The following SMC1B variants were observed in gnomAD, a reference collection of about 807,000 sequenced individuals.
SMC1B encodes structural maintenance of chromosomes protein 1B.
SMC1B carries 60 observed loss-of-function variants against 157.9 expected under a neutral mutation model. That is an observed-to-expected ratio of 0.38 (90% confidence interval 0.31 to 0.47). The LOEUF is 0.47. Among genes scored for constraint, SMC1B ranks in the 20% least tolerant of loss-of-function variants. The pLI is 0.99. For synonymous variants in SMC1B, 445 were observed against 483.0 expected (o/e 0.92, Z 1.03); for missense variants, 1,165 against 1,426.2 (o/e 0.82, Z 2.95).
At chr22:45,348,647 C>T (rs1039121223) in intron 23 of SMC1B, among the ~76,000 whole-genome samples, 1 of 152,028 alleles carries the variant, frequency 6.6e-6, no homozygotes, top group Non-Finnish European at 1.5e-5. Flanking sequence ...CTGGAAGGTC[C>T]TCTAAGCCTT....
intron 23 of SMC1B, among the ~76,000 whole-genome samples, chr22:45,348,662 G>T (rs1215117164): frequency 6.6e-6 from 1 of 151,684 alleles, no homozygotes; most frequent in Non-Finnish European, 1.5e-5. Context: ...AGCCTTGAAT[G>T]AAGACTACCC....
chr22:45,406,258 G>A (rs1189512210), intron 4 of SMC1B, among the ~76,000 whole-genome samples: 1 of 152,138 alleles, frequency 6.6e-6, no homozygotes, highest in Admixed American at 6.5e-5. Flanking sequence ...CATTTTTCTA[G>A]TTCAGGCTGT....
chr22:45,344,448 G>A lies in SMC1B; in HGVS notation c.*108C>T. On this transcript the variant is annotated 3_prime_UTR_variant, in exon 25 of 25. Transcript: ENST00000357450. ...TAGAACGACTAAGGTTTCTCTTAAA[G>A]GGTGCACCAGGCTGGTCCTGCTTGC... 1 of 724,790 alleles carries A rather than the reference G, an allele frequency of 1.4e-6. No homozygotes were observed. The highest frequency in any genetic ancestry group is 2.4e-6 in the Non-Finnish European group (1 of 418,722). The allele number at this position is 724,790 out of a possible 1,614,324, so 44.9% of individuals were successfully genotyped here. A position where few individuals can be genotyped will look rare whatever the true frequency, so the allele number is the denominator to read the frequency against.
At chr22:45,344,702 A>G in intron 24 of SMC1B, 45 bp from the exon 25 acceptor site, 1 of 1,356,770 alleles carries the variant, frequency 7.4e-7, no homozygotes, top group Non-Finnish European at 1.1e-6. Flanking sequence ...AATTAGGGAA[A>G]AAGTATTATT....
chr22:45,400,036 T>C (rs1303647509), intron 5 of SMC1B, among the ~76,000 whole-genome samples: 2 of 152,180 alleles, frequency 1.3e-5, no homozygotes, highest in African/African-American at 4.8e-5. Context: ...GACATCAATA[T>C]GAACTCATGT....
intron 4 of SMC1B, among the ~76,000 whole-genome samples, chr22:45,406,050 T>A (rs1267773536): frequency 6.6e-6 from 1 of 152,216 alleles, no homozygotes; most frequent in Non-Finnish European, 1.5e-5. Context: ...TTTACAGGGA[T>A]CATTAAAATA....
At chr22:45,366,460 A>G (rs1181334434) in intron 15 of SMC1B, among the ~76,000 whole-genome samples, 1 of 152,264 alleles carries the variant, frequency 6.6e-6, no homozygotes, top group African/African-American at 2.4e-5. Flanking sequence ...TTAAAGTCAT[A>G]TAACTAGACA....
At position 45,361,847 on chromosome 22, in the gene SMC1B, A is replaced by G. The variant is rs779416419; in HGVS notation, c.2700T>C (p.Ala900=). 21 of 1,613,746 alleles carry G rather than the reference A, an allele frequency of 1.3e-5. No homozygotes were observed. In the African/African-American group the frequency reaches 2.4e-4, roughly 18 times the overall value. ...QIEEERKKFL[A]VDREVGKLQK... ...GATGAAGTCTTAATTACCTATCAACAGCCAGAAACTTCTTCCGTTCCTCTT... is the reference window on the plus strand; with the variant it reads ...GATGAAGTCTTAATTACCTATCAACGGCCAGAAACTTCTTCCGTTCCTCTT... Residue 900 remains alanine, a synonymous_variant, in exon 17 of 25, where the codon GCT becomes GCC. Transcript: ENST00000357450.
chr22:45,402,981 G>T (rs1047245749), intron 4 of SMC1B, among the ~76,000 whole-genome samples: 1 of 152,144 alleles, frequency 6.6e-6, no homozygotes, highest in African/African-American at 2.4e-5. Context: ...CCTACTACAG[G>T]AAGTAGTTTT....
intron 16 of SMC1B, among the ~76,000 whole-genome samples, chr22:45,362,301 C>G (rs1413823025): frequency 6.6e-6 from 1 of 152,156 alleles, no homozygotes; most frequent in Non-Finnish European, 1.5e-5. Flanking sequence ...TAAACATTTT[C>G]CAGACTTTTA....
chr22:45,385,271 T>C (rs954389586), intron 11 of SMC1B, among the ~76,000 whole-genome samples: 1 of 152,178 alleles, frequency 6.6e-6, no homozygotes, highest in Admixed American at 6.5e-5. Flanking sequence ...AGATACTGTA[T>C]GTAGTTTATA....
At chr22:45,372,980 T>C (rs2086849716) in intron 12 of SMC1B, among the ~76,000 whole-genome samples, 1 of 152,096 alleles carries the variant, frequency 6.6e-6, no homozygotes, top group Admixed American at 6.6e-5. Context: ...CCCACAGTGC[T>C]GGGATTACAG....
chr22:45,380,149 T>C (rs547631386), intron 12 of SMC1B, among the ~76,000 whole-genome samples: 30 of 152,354 alleles, frequency 2.0e-4, no homozygotes, highest in African/African-American at 7.2e-4. Flanking sequence ...TGTAGTCCTC[T>C]TCCTTTTAGC....
chr22:45,376,616 G>T (rs772113190), intron 12 of SMC1B, among the ~76,000 whole-genome samples: 28 of 151,972 alleles, frequency 1.8e-4, no homozygotes, highest in Admixed American at 1.0e-3. Context: ...TTCTATTTTT[G>T]ATTTTTTGAG....
chr22:45,382,963 G>A (rs1033459570), intron 12 of SMC1B, among the ~76,000 whole-genome samples: 9 of 151,944 alleles, frequency 5.9e-5, no homozygotes, highest in African/African-American at 9.7e-5. Context: ...GAGAAACCCC[G>A]TCTCTACTAA....
At chr22:45,386,427 A>T (rs889059635) in intron 11 of SMC1B, among the ~76,000 whole-genome samples, 1 of 152,122 alleles carries the variant, frequency 6.6e-6, no homozygotes, top group African/African-American at 2.4e-5. Flanking sequence ...AGAAATTCAA[A>T]TATGTTAAAC....
intron 1 of SMC1B, among the ~76,000 whole-genome samples, chr22:45,410,083 A>G (rs1040472343): frequency 2.0e-5 from 3 of 152,242 alleles, no homozygotes; most frequent in African/African-American, 7.2e-5. Context: ...AGTGACACCA[A>G]TGGGTAAGGA....
intron 13 of SMC1B, 23 bp from the exon 14 acceptor site, chr22:45,371,610 T>C: frequency 6.4e-7 from 1 of 1,572,950 alleles, no homozygotes. Context: ...GAGAAAAATT[T>C]TTTTAACATG....
intron 1 of SMC1B, among the ~76,000 whole-genome samples, chr22:45,410,583 A>G (rs896243790): frequency 6.6e-6 from 1 of 152,120 alleles, no homozygotes; most frequent in Non-Finnish European, 1.5e-5. Context: ...TGCGCCTGTA[A>G]TCCCAGCTAC....
Sources: gnomAD v4.1 joint callset for allele counts (sites outside exome capture counted in the v4.1 genomes callset) on GRCh38, gnomAD v4.1.1 for gene constraint, MANE v1.5 for transcripts, NCBI Gene and HGNC (gene_info 2026-07-23, HGNC 2026-07-21) for gene names.